The following SULF1 variants were observed in gnomAD, a reference collection of about 807,000 sequenced individuals.
SULF1 encodes the protein sulfatase 1, also known as extracellular sulfatase Sulf-1.
A neutral mutation model predicts 110.5 loss-of-function variants in SULF1; 46 were observed. The observed-to-expected ratio is 0.42, with a 90% confidence interval of 0.33 to 0.53. The LOEUF (loss-of-function observed/expected upper bound fraction) is 0.53, where lower values mean the gene tolerates loss of function less well. Among genes scored for constraint, SULF1 ranks in the 20% least tolerant of loss-of-function variants. The pLI is 0.12. For synonymous variants in SULF1, 371 were observed against 387.1 expected, an observed-to-expected ratio of 0.96 and a Z score of 0.49; for missense variants, 941 against 1,094.2, an observed-to-expected ratio of 0.86 and a Z score of 1.98.
At chr8:69,586,652 C>T (rs897523133) in intron 7 of SULF1, 144 bp downstream of exon 7, 1 of 987,560 alleles carries the variant, frequency 1.0e-6, no homozygotes, top group Non-Finnish European at 1.5e-6. Context: ...TAATTTTAAA[C>T]TCTAGGCAAG....
At position 69,604,796 on chromosome 8, in the gene SULF1, G is replaced by A; in HGVS notation, c.1248-7G>A. The A allele has an allele frequency of 6.2e-7, 1 of 1,612,768 alleles. No individual in the cohort carries two copies. Among genetic ancestry groups the A allele is most frequent in the South Asian group, 1.1e-5 (1 of 91,032 alleles). On this transcript the variant is annotated splice_polypyrimidine_tract_variant and splice_region_variant and intron_variant, in intron 12 of 22. Coordinates refer to ENST00000402687, the MANE Select transcript of SULF1 (RefSeq NM_001128205.2). ...TCATGTACGAAGCTTTTCCCTTTTT[G>A]TCGAAGCAAATTTCTACGTAAGAAG... is the stretch of plus-strand genomic sequence containing the variant.
In SULF1 at chr8:69,543,096, G is replaced by A. The variant is rs140052004; in HGVS notation, c.-133-20443G>A. Among the ~76,000 whole-genome samples the A allele has an allele frequency of 3.9e-5, 6 of 152,182 alleles. No homozygotes were observed. In the East Asian group the frequency reaches 1.2e-3, roughly 29 times the overall value. Reference sequence around the variant, plus strand: ...GAGATTTAGCAACCATCCAATTAATGCTTCTTATTGATCAAATCAGACTAT... The same window carrying A: ...GAGATTTAGCAACCATCCAATTAATACTTCTTATTGATCAAATCAGACTAT... On this transcript the variant is annotated intron_variant, in intron 3 of 22. Transcript: ENST00000402687.
intron 3 of SULF1, among the ~76,000 whole-genome samples, chr8:69,516,143 A>G (rs1342106948): frequency 6.6e-6 from 1 of 152,194 alleles, no homozygotes; most frequent in African/African-American, 2.4e-5. Flanking sequence ...CTTCTCTGAT[A>G]CCAATTTTCT....
At chr8:69,546,542 T>C (rs966654217) in intron 3 of SULF1, among the ~76,000 whole-genome samples, 1 of 152,340 alleles carries the variant, frequency 6.6e-6, no homozygotes, top group East Asian at 1.9e-4. Flanking sequence ...AAATTTTGCG[T>C]TTCATGTCAA....
intron 3 of SULF1, among the ~76,000 whole-genome samples, chr8:69,543,286 T>C (rs879781109): frequency 6.6e-6 from 1 of 152,168 alleles, no homozygotes; most frequent in Non-Finnish European, 1.5e-5. Flanking sequence ...GGTAAACCTG[T>C]GCCATGGTGG....
intron 1 of SULF1, among the ~76,000 whole-genome samples, chr8:69,494,747 A>T (rs1313373234): frequency 6.6e-6 from 1 of 152,146 alleles, no homozygotes; most frequent in Admixed American, 6.6e-5. Flanking sequence ...GAGCCTTGTG[A>T]CACACACCTG....
chr8:69,482,641 C>T (rs538352554), intron 1 of SULF1, among the ~76,000 whole-genome samples: 1 of 152,090 alleles, frequency 6.6e-6, no homozygotes, highest in South Asian at 2.1e-4. Flanking sequence ...GACATTGGGG[C>T]AAGTCGTTAA....
intron 22 of SULF1, among the ~76,000 whole-genome samples, chr8:69,641,896 A>T (rs144824523): frequency 1.9e-3 from 286 of 151,198 alleles, no homozygotes; most frequent in African/African-American, 6.7e-3. Flanking sequence ...TGGAGGGGGG[A>T]CGCACGCTCC....
intron 3 of SULF1, among the ~76,000 whole-genome samples, chr8:69,533,728 C>G (rs75158001): frequency 0.092 from 14,026 of 152,074 alleles, 1,247 homozygotes; most frequent in East Asian, 0.41. Flanking sequence ...GTGTATGTAT[C>G]TATTGTAGAT....
intron 22 of SULF1, among the ~76,000 whole-genome samples, chr8:69,657,301 G>C (rs1327702837): frequency 6.6e-6 from 1 of 152,098 alleles, no homozygotes; most frequent in Non-Finnish European, 1.5e-5. Flanking sequence ...TTACCACCCA[G>C]TTTCCAATGG....
At chr8:69,493,780 A>G (rs776456118) in intron 1 of SULF1, among the ~76,000 whole-genome samples, 1 of 152,240 alleles carries the variant, frequency 6.6e-6, no homozygotes, top group Non-Finnish European at 1.5e-5. Context: ...AAACATGGAC[A>G]CTAACTTTTT....
At chr8:69,580,555 A>T (rs1484205799) in intron 6 of SULF1, among the ~76,000 whole-genome samples, 1 of 152,180 alleles carries the variant, frequency 6.6e-6, no homozygotes, top group Non-Finnish European at 1.5e-5. Context: ...ATGATTCCTA[A>T]GTTTTCTTTC....
chr8:69,482,215 C>T (rs1490431626), intron 1 of SULF1, among the ~76,000 whole-genome samples: 3 of 152,176 alleles, frequency 2.0e-5, no homozygotes. Flanking sequence ...AAAAATTTGG[C>T]ACTATAACCG....
At chr8:69,548,604 T>A (rs1814455895) in intron 3 of SULF1, among the ~76,000 whole-genome samples, 1 of 148,522 alleles carries the variant, frequency 6.7e-6, no homozygotes, top group African/African-American at 2.5e-5. Flanking sequence ...TGCACCACCA[T>A]GCCTCGCTGA....
intron 3 of SULF1, among the ~76,000 whole-genome samples, chr8:69,516,470 C>T (rs898914394): frequency 3.9e-5 from 6 of 152,052 alleles, no homozygotes; most frequent in South Asian, 2.1e-4. Flanking sequence ...ATCAAATTAC[C>T]GCCTACCAGG....
chr8:69,624,658 G>C (rs1312205409), intron 15 of SULF1, among the ~76,000 whole-genome samples: 1 of 152,228 alleles, frequency 6.6e-6, no homozygotes, highest in African/African-American at 2.4e-5. Context: ...CACAGTCCAA[G>C]GGAGGACAGT....
chr8:69,527,939 A>G (rs1279263304), intron 3 of SULF1, among the ~76,000 whole-genome samples: 1 of 152,194 alleles, frequency 6.6e-6, no homozygotes, highest in East Asian at 1.9e-4. Context: ...TTGACTAAAA[A>G]TTGTCCTCTT....
intron 6 of SULF1, among the ~76,000 whole-genome samples, chr8:69,577,727 T>A (rs915162851): frequency 1.3e-5 from 2 of 152,168 alleles, no homozygotes; most frequent in Admixed American, 6.5e-5. Context: ...TCTCACCTAA[T>A]TCCTAGGGCA....
intron 18 of SULF1, 28 bp downstream of exon 18, chr8:69,628,264 G>C: frequency 6.3e-7 from 1 of 1,598,814 alleles, no homozygotes; most frequent in Non-Finnish European, 8.6e-7. Flanking sequence ...TTCCACATTT[G>C]CTGGGAGTCA....
Sources: gnomAD v4.1 joint callset for allele counts (sites outside exome capture counted in the v4.1 genomes callset) on GRCh38, gnomAD v4.1.1 for gene constraint, MANE v1.5 for transcripts, NCBI Gene and HGNC (gene_info 2026-07-23, HGNC 2026-07-21) for gene names.